Variants in CD200R1 observed in about 807,000 individuals in gnomAD.
CD200R1 encodes cell surface glycoprotein CD200 receptor 1.
CD200R1 carries 30 observed loss-of-function variants against 38.1 expected under a neutral mutation model. The observed-to-expected ratio is 0.79, with a 90% CI of 0.59 to 1.07. CD200R1 has a LOEUF of 1.07. Ranked by LOEUF, CD200R1 falls within the 50% of genes least tolerant of loss-of-function variation. The pLI, the probability that CD200R1 is intolerant of heterozygous loss-of-function variation, is 0.00. For missense variants in CD200R1, 372 were observed against 415.4 expected (o/e 0.90, Z 0.91); for synonymous variants, 128 against 152.1 (o/e 0.84, Z 1.16).
At chr3:112,942,196 T>A (rs1940743104) in intron 2 of CD200R1, among the ~76,000 whole-genome samples, 1 of 151,754 alleles carries the variant, frequency 6.6e-6, no homozygotes, top group Admixed American at 6.6e-5. Flanking sequence ...CTTGCATTTT[T>A]CTTATTCTTA....
In CD200R1 at chr3:112,973,460, T is replaced by C. The variant is rs374302286; in HGVS notation, c.67+1331A>G. ...CATTACTGATTGTGATTCTGGCACA[T>C]ACTAGTCATATCTAACCTTGGCCAA... On this transcript the variant is annotated intron_variant, in intron 1 of 7. Transcript: ENST00000308611. Among the ~76,000 whole-genome samples the C allele has an allele frequency of 1.1e-3, 174 of 152,318 alleles. 4 individuals carry two copies. In the South Asian group the frequency reaches 0.033, roughly 29 times the overall value.
intron 1 of CD200R1, among the ~76,000 whole-genome samples, chr3:112,957,113 T>C (rs900177946): frequency 2.6e-5 from 4 of 152,204 alleles, no homozygotes; most frequent in African/African-American, 9.7e-5. Flanking sequence ...ACAGTATTTC[T>C]CATCACACTG....
At chr3:112,969,550 T>C (rs927537523) in intron 1 of CD200R1, among the ~76,000 whole-genome samples, 1 of 152,232 alleles carries the variant, frequency 6.6e-6, no homozygotes, top group Non-Finnish European at 1.5e-5. Flanking sequence ...TCTTCAGTTT[T>C]CAGCCTCTCC....
At position 112,921,678 on chromosome 3, in the gene CD200R1, G is replaced by A. The variant is rs148506615; in HGVS notation, c.*1999C>T. ...GATTCTCTAATTTGACAGGTCTAGC[G>A]TGGATTTGGAGAATATATATAATTT... On this transcript the variant is annotated 3_prime_UTR_variant, in exon 8 of 8. Coordinates refer to ENST00000308611, the MANE Select transcript of CD200R1 (RefSeq NM_138806.4). 18 of 152,110 alleles carry A rather than the reference G, an allele frequency of 1.2e-4. 1 individual carries two copies. The East Asian group carries it at 1.9e-3, about 16-fold the overall frequency. 9.4% of individuals were successfully genotyped at this position (152,110 alleles called of 1,614,324 possible).
chr3:112,923,577 AATTTC>A lies in CD200R1; in HGVS notation c.*95_*99del. The A allele has an allele frequency of 1.6e-6, 1 of 612,412 alleles. No individual in the cohort carries two copies. The highest frequency in any genetic ancestry group is 2.8e-6 in the Non-Finnish European group (1 of 355,796). 37.9% of individuals were successfully genotyped at this position (612,412 alleles called of 1,614,324 possible). A position where few individuals can be genotyped will look rare whatever the true frequency, so the allele number is the denominator to read the frequency against. ...GTCTTCTAAGAACCTTGGAAAACCT[AATTTC>A]AATATAAGTCTTCATTCTAGAACTG... On this transcript the variant is annotated 3_prime_UTR_variant, in exon 8 of 8. Transcript: ENST00000308611.
intron 2 of CD200R1, among the ~76,000 whole-genome samples, chr3:112,946,070 G>A (rs1250231296): frequency 1.4e-5 from 2 of 142,250 alleles, no homozygotes; most frequent in African/African-American, 5.2e-5. Flanking sequence ...GAAAAGATAA[G>A]CCACATACTA....
chr3:112,931,153 A>T lies in CD200R1; in HGVS notation c.155T>A (p.Met52Lys). 6.2e-7 allele frequency: 1 copy of T among 1,606,014 alleles called. No individual in the cohort carries two copies. The highest frequency in any genetic ancestry group is 8.5e-7 in the Non-Finnish European group (1 of 1,172,604). The stretch of plus-strand genomic sequence containing the variant: ...GTTCTGTGTAATCTGTTTTTCATCC[A>T]TACATAAACTGCTTGAAGCTAGAAA... ...NHALASSSLCMDEKQITQNYS... is the reference protein window; with the variant it reads ...NHALASSSLCKDEKQITQNYS... The change falls in exon 3 of 8, where the codon ATG becomes AAG. Residue 52 changes from methionine (M) to lysine (K), a missense_variant. Physicochemically the swap from Met to Lys is moderately conservative, Grantham distance 95. Coordinates refer to ENST00000308611, the MANE Select transcript of CD200R1 (RefSeq NM_138806.4).
At chr3:112,945,015 AT>A (rs1429812216) in intron 2 of CD200R1, among the ~76,000 whole-genome samples, 1 of 152,198 alleles carries the variant, frequency 6.6e-6, no homozygotes, top group Non-Finnish European at 1.5e-5. Flanking sequence ...GTCTAACAAA[AT>A]ATGTGCAACA....
At position 112,968,509 on chromosome 3, in the gene CD200R1, G is replaced by C. The variant is rs190996677; in HGVS notation, c.67+6282C>G. On this transcript the variant is annotated intron_variant, in intron 1 of 7. Transcript: ENST00000308611. ...TCTTGAAGGGTGTCAATGCTTGGAAGAAGGAAATAGGGGATCAGAGTTGTG... is the reference window on the plus strand; with the variant it reads ...TCTTGAAGGGTGTCAATGCTTGGAACAAGGAAATAGGGGATCAGAGTTGTG... Among the ~76,000 whole-genome samples the C allele has an allele frequency of 3.3e-5, 5 of 152,264 alleles. No individual in the cohort carries two copies. In the East Asian group the frequency reaches 9.6e-4, roughly 29 times the overall value.
chr3:112,972,049 T>C (rs1933323024), intron 1 of CD200R1, among the ~76,000 whole-genome samples: 1 of 152,220 alleles, frequency 6.6e-6, no homozygotes, highest in Non-Finnish European at 1.5e-5. Flanking sequence ...CTTACCTTTG[T>C]CTTTCTAATT....
chr3:112,952,795 TA>T (rs1345254759), intron 1 of CD200R1, among the ~76,000 whole-genome samples: 2 of 151,550 alleles, frequency 1.3e-5, no homozygotes, highest in African/African-American at 2.4e-5. Context: ...ATAATAATAA[TA>T]AATAAATAAA....
chr3:112,960,131 T>C (rs572182445), intron 1 of CD200R1, among the ~76,000 whole-genome samples: 49 of 152,150 alleles, frequency 3.2e-4, no homozygotes, highest in African/African-American at 1.0e-3. Context: ...GATTCAGAAA[T>C]TCAAATTAGG....
At chr3:112,974,733 C>T in intron 1 of CD200R1, 58 bp downstream of exon 1, 2 of 1,139,612 alleles carry the variant, frequency 1.8e-6, no homozygotes, top group South Asian at 1.2e-5. Context: ...AAAAAATAAA[C>T]TCAGGAAGAG....
intron 1 of CD200R1, among the ~76,000 whole-genome samples, chr3:112,967,966 C>T (rs1432359561): frequency 6.6e-6 from 1 of 152,146 alleles, no homozygotes. Flanking sequence ...TAAAGTACTT[C>T]CTTTGTGAAG....
chr3:112,974,586 G>A (rs1452914281), intron 1 of CD200R1, among the ~76,000 whole-genome samples: 3 of 152,140 alleles, frequency 2.0e-5, no homozygotes, highest in Non-Finnish European at 4.4e-5. Flanking sequence ...TCTGTATATT[G>A]TAGTAGGATA....
At chr3:112,963,285 T>C (rs114543468) in intron 1 of CD200R1, among the ~76,000 whole-genome samples, 1 of 152,290 alleles carries the variant, frequency 6.6e-6, no homozygotes, top group African/African-American at 2.4e-5. Context: ...AATGTTGAAC[T>C]GACTTTGGAG....
At chr3:112,970,885 G>C (rs1394252348) in intron 1 of CD200R1, among the ~76,000 whole-genome samples, 2 of 152,024 alleles carry the variant, frequency 1.3e-5, no homozygotes, top group African/African-American at 4.8e-5. Flanking sequence ...CTCCACTTTG[G>C]CTCCCTTCCT....
chr3:112,951,064 A>T (rs1489848050), intron 1 of CD200R1, among the ~76,000 whole-genome samples: 1 of 152,154 alleles, frequency 6.6e-6, no homozygotes, highest in Non-Finnish European at 1.5e-5. Context: ...AATGCAAAAA[A>T]TTAAGGAAAT....
In CD200R1 at chr3:112,949,637, T is replaced by C. The variant is rs138775833; in HGVS notation, c.68-1713A>G. 4.0e-3 allele frequency among the ~76,000 whole-genome samples: 606 copies of C among 152,250 alleles called. 5 individuals carry two copies. Among genetic ancestry groups the C allele is most frequent in the African/African-American group, 0.014 (584 of 41,542 alleles). The stretch of plus-strand genomic sequence containing the variant: ...TGCAAGTAAGTCTTACTGCTATGAG[T>C]AGAAATCAATGGTTAGAGCCTAAGA... On this transcript the variant is annotated intron_variant, in intron 1 of 7. Transcript: ENST00000308611.
Sources: gnomAD v4.1 joint callset for allele counts (sites outside exome capture counted in the v4.1 genomes callset) on GRCh38, gnomAD v4.1.1 for gene constraint, MANE v1.5 for transcripts, NCBI Gene and HGNC (gene_info 2026-07-23, HGNC 2026-07-21) for gene names.